PDE1C: variants seen among roughly 807,000 people sequenced by gnomAD.
PDE1C encodes phosphodiesterase 1C.
PDE1C carries 62 observed loss-of-function variants against 93.1 expected under a neutral mutation model. That is an observed-to-expected ratio of 0.67 (90% CI 0.54 to 0.82). The LOEUF is 0.82. Among genes scored for constraint, PDE1C ranks in the 40% least tolerant of loss-of-function variants. The pLI, the probability that PDE1C is intolerant of heterozygous loss-of-function variation, is 0.00. For missense variants in PDE1C, 742 were observed against 884.6 expected, an observed-to-expected ratio of 0.84 and a Z score of 2.04; for synonymous variants, 325 against 310.1, an observed-to-expected ratio of 1.05 and a Z score of -0.50.
chr7:32,407,514 G>C (rs1785079677), intron 1 of PDE1C, among the ~76,000 whole-genome samples: 1 of 152,052 alleles, frequency 6.6e-6, no homozygotes, highest in Admixed American at 6.6e-5. Context: ...TCAGCCATGG[G>C]AACAACTGAT....
rs565138543 is a variant in PDE1C at position 32,081,840 on chromosome 7, G to C, written c.308+87945C>G. ...ATTTATTTAATAACCATGGCTTTTA[G>C]AAGCAACATTCATATCAAAATGAAA... is the stretch of plus-strand genomic sequence containing the variant. On this transcript the variant is annotated intron_variant, in intron 3 of 18. Coordinates refer to the PDE1C transcript ENST00000396193. Among the ~76,000 whole-genome samples, 6 of 152,306 alleles carry C rather than the reference G, an allele frequency of 3.9e-5. No individual in the cohort carries two copies. The South Asian group carries it at 6.2e-4, about 16-fold the overall frequency.
At chr7:32,145,833 C>T (rs1800800902) in intron 3 of PDE1C, among the ~76,000 whole-genome samples, 1 of 152,062 alleles carries the variant, frequency 6.6e-6, no homozygotes, top group South Asian at 2.1e-4. Context: ...CACAAAGTGG[C>T]AGAGGCAGGG....
the PDE1C span, among the ~76,000 whole-genome samples, chr7:31,628,647 A>G: frequency 6.6e-6 from 1 of 151,758 alleles, no homozygotes; most frequent in Non-Finnish European, 1.5e-5. Context: ...TAGTAGAGAC[A>G]GGGTTTCACC....
chr7:32,118,782 T>C (rs1799130138), intron 3 of PDE1C, among the ~76,000 whole-genome samples: 1 of 152,212 alleles, frequency 6.6e-6, no homozygotes, highest in Non-Finnish European at 1.5e-5. Context: ...TCAAAGGTCC[T>C]ACTTCTTAAT....
chr7:31,875,144 A>G (rs900598943), intron 5 of PDE1C, among the ~76,000 whole-genome samples: 2 of 152,172 alleles, frequency 1.3e-5, no homozygotes, highest in Admixed American at 6.5e-5. Flanking sequence ...AGTCACATAC[A>G]TTGTCTTATC....
intron 1 of PDE1C, among the ~76,000 whole-genome samples, chr7:32,293,093 G>A (rs1343684696): frequency 1.3e-5 from 2 of 152,188 alleles, no homozygotes; most frequent in Non-Finnish European, 2.9e-5. Context: ...CTCACAGTAT[G>A]ATTTCAGGCA....
intron 3 of PDE1C, among the ~76,000 whole-genome samples, chr7:32,108,617 T>C (rs144940411): frequency 4.9e-3 from 752 of 152,308 alleles, no homozygotes; most frequent in African/African-American, 0.017. Flanking sequence ...ACTCATTTCA[T>C]ACCTGTACCA....
At chr7:32,104,500 A>G (rs889771172) in intron 3 of PDE1C, among the ~76,000 whole-genome samples, 4 of 152,204 alleles carry the variant, frequency 2.6e-5, no homozygotes, top group Non-Finnish European at 5.9e-5. Context: ...TTTCTCAGGA[A>G]GCAATAGAGG....
the PDE1C span, among the ~76,000 whole-genome samples, chr7:31,623,698 A>G: frequency 7.6e-6 from 1 of 131,782 alleles, no homozygotes; most frequent in African/African-American, 2.7e-5. Flanking sequence ...CTGGCACAAG[A>G]CAGTTTTCAA....
intron 2 of PDE1C, among the ~76,000 whole-genome samples, chr7:32,014,047 T>A (rs920690199): frequency 5.9e-5 from 9 of 152,352 alleles, no homozygotes; most frequent in Non-Finnish European, 1.2e-4. Context: ...GAGTTATCCC[T>A]GTCCCATAGA....
the PDE1C span, among the ~76,000 whole-genome samples, chr7:31,686,195 G>A: frequency 6.6e-6 from 1 of 152,132 alleles, no homozygotes; most frequent in Non-Finnish European, 1.5e-5. Context: ...CTGCTATCAG[G>A]GGGTCTGGAG....
At position 32,128,480 on chromosome 7, in the gene PDE1C, A is replaced by T. The variant is rs565987583; in HGVS notation, c.308+41305T>A. ...TATAATTCTTACACTTCAATAAGAC[A>T]AATATATATTGTTAAGAAACACATA... On this transcript the variant is annotated intron_variant, in intron 3 of 18. Coordinates refer to the PDE1C transcript ENST00000396193. 9.9e-5 allele frequency among the ~76,000 whole-genome samples: 15 copies of T among 152,134 alleles called. 1 individual carries two copies. In the South Asian group the frequency reaches 2.7e-3, roughly 27 times the overall value.
intron 2 of PDE1C, among the ~76,000 whole-genome samples, chr7:31,891,970 T>C (rs1366095592): frequency 6.6e-6 from 1 of 152,198 alleles, no homozygotes; most frequent in East Asian, 1.9e-4. Context: ...AAAGGGTACA[T>C]GGGAATTCCT....
At chr7:32,342,636 G>T (rs1341335286) in intron 1 of PDE1C, among the ~76,000 whole-genome samples, 1 of 152,140 alleles carries the variant, frequency 6.6e-6, no homozygotes. Flanking sequence ...TGGTGTAGTG[G>T]TTAGGAGAAG....
intron 14 of PDE1C, among the ~76,000 whole-genome samples, chr7:31,820,323 C>T (rs955677714): frequency 1.3e-4 from 20 of 151,682 alleles, no homozygotes; most frequent in African/African-American, 4.8e-4. Context: ...TTTTATACTT[C>T]AGCATTTGTA....
At chr7:31,909,174 G>A (rs1049712317) in intron 2 of PDE1C, among the ~76,000 whole-genome samples, 6 of 152,208 alleles carry the variant, frequency 3.9e-5, no homozygotes, top group Middle Eastern at 3.4e-3. Context: ...CGTGGTAAAG[G>A]GTTGTGGTTA....
rs1281423177 is a variant in PDE1C at position 31,752,027 on chromosome 7, C to A, written c.*1357G>T. 1.3e-5 allele frequency: 2 copies of A among 152,146 alleles called. No homozygotes were observed. The highest frequency in any genetic ancestry group is 2.9e-5 in the Non-Finnish European group (2 of 68,024). The allele number at this position is 152,146 out of a possible 1,614,324, so 9.4% of individuals were successfully genotyped here. ...CAGGCTCAGCCACAGCAACCAAAAC[C>A]TACATTATCATTAATCTTCAATACA... On this transcript the variant is annotated 3_prime_UTR_variant, in exon 18 of 18. Coordinates refer to ENST00000396191, the MANE Select transcript of PDE1C (RefSeq NM_001191057.4).
At chr7:31,861,114 G>A (rs1318363869) in intron 7 of PDE1C, among the ~76,000 whole-genome samples, 2 of 152,048 alleles carry the variant, frequency 1.3e-5, no homozygotes, top group Non-Finnish European at 2.9e-5. Context: ...AGAGTGAATG[G>A]TCATTTCTCT....
At chr7:32,344,587 T>C (rs1260059559) in intron 1 of PDE1C, among the ~76,000 whole-genome samples, 1 of 152,098 alleles carries the variant, frequency 6.6e-6, no homozygotes, top group Non-Finnish European at 1.5e-5. Flanking sequence ...CCCCCAGATA[T>C]CACTTTCCCA....
Sources: allele counts gnomAD v4.1 joint callset (sites outside exome capture counted in the v4.1 genomes callset), GRCh38; gene constraint gnomAD v4.1.1; transcripts MANE v1.5; gene names NCBI Gene and HGNC (gene_info 2026-07-23, HGNC 2026-07-21).